Variants in GLDC observed in about 807,000 individuals in gnomAD.
GLDC encodes the protein glycine dehydrogenase (decarboxylating), mitochondrial.
In GLDC, 104 loss-of-function variants were observed where a neutral mutation model predicts 121.3. The ratio of observed to expected loss-of-function variants is 0.86; its 90% CI spans 0.73 to 1.01. The LOEUF (loss-of-function observed/expected upper bound fraction) is 1.01. GLDC is among the 50% of genes least tolerant of loss of function. GLDC has a pLI of 0.00. For missense variants in GLDC, 1,429 were observed against 1,306.6 expected, an observed-to-expected ratio of 1.09 and a Z score of -1.44; for synonymous variants, 546 against 480.6, an observed-to-expected ratio of 1.14 and a Z score of -1.78.
intron 15 of GLDC, among the ~76,000 whole-genome samples, chr9:6,574,120 G>T (rs1818016853): frequency 6.6e-6 from 1 of 152,084 alleles, no homozygotes; most frequent in South Asian, 2.1e-4. Flanking sequence ...AAATCAGCTG[G>T]TATCAGAAGA....
At position 6,558,552 on chromosome 9, in the gene GLDC, C is replaced by G. The variant is rs755812288; in HGVS notation, c.2052+7G>C. The G allele has an allele frequency of 5.0e-6, 8 of 1,614,196 alleles. No homozygotes were observed. The South Asian group carries it at 8.8e-5, about 18-fold the overall frequency. On this transcript the variant is annotated splice_region_variant and intron_variant, in intron 17 of 24. Coordinates refer to ENST00000321612, the MANE Select transcript of GLDC (RefSeq NM_000170.3). Reference sequence around the variant, plus strand: ...CCTCTCCCATCTGCTAAGGAGAAGACAAGTACCATGGCCTTGAGGTGAACT... The same window carrying G: ...CCTCTCCCATCTGCTAAGGAGAAGAGAAGTACCATGGCCTTGAGGTGAACT...
At chr9:6,559,401 G>C (rs933617884) in intron 16 of GLDC, among the ~76,000 whole-genome samples, 5 of 150,984 alleles carry the variant, frequency 3.3e-5, no homozygotes, top group African/African-American at 1.2e-4. Flanking sequence ...TGTAATCCCA[G>C]TTACTCGAGA....
rs1230501747 is a variant in GLDC, at chr9:6,604,580, C to T, written c.1058+8G>A. 14 of 1,605,952 alleles carry T rather than the reference C, an allele frequency of 8.7e-6. No homozygotes were observed. The highest frequency in any genetic ancestry group is 1.2e-5 in the Non-Finnish European group (14 of 1,174,524). On this transcript the variant is annotated splice_region_variant and intron_variant, in intron 7 of 24. Coordinates refer to ENST00000321612, the MANE Select transcript of GLDC (RefSeq NM_000170.3). ...ACAATAAAAGTAGAGAAACATGAGC[C>T]CCTTTACCTTGTTACCCCCACCATT...
chr9:6,644,424 A>C (rs1453086245), intron 2 of GLDC, 190 bp downstream of exon 2: 2 of 641,688 alleles, frequency 3.1e-6, no homozygotes, highest in African/African-American at 3.6e-5. Context: ...CTCCTAACAC[A>C]AAACTGTCTG....
chr9:6,608,420 T>G (rs1057196894), intron 4 of GLDC, among the ~76,000 whole-genome samples: 1 of 146,274 alleles, frequency 6.8e-6, no homozygotes, highest in African/African-American at 2.5e-5. Flanking sequence ...AGACTCTGTC[T>G]CAAAAAAAAC....
chr9:6,586,370 C>A (rs1818272915), intron 15 of GLDC, among the ~76,000 whole-genome samples: 1 of 152,172 alleles, frequency 6.6e-6, no homozygotes, highest in Non-Finnish European at 1.5e-5. Flanking sequence ...ATCAGTGCGT[C>A]TGGAGCGGGG....
At position 6,536,127 on chromosome 9, in the gene GLDC, G is replaced by T; in HGVS notation, c.2775C>A (p.Ser925Arg). 1 of 1,614,114 alleles carries T rather than the reference G, an allele frequency of 6.2e-7. No homozygotes were observed. The highest frequency in any genetic ancestry group is 8.5e-7 in the Non-Finnish European group (1 of 1,179,960). Reference protein sequence around the residue: ...ELDRFCDAMISIRQEIADIEE... With the variant: ...ELDRFCDAMIRIRQEIADIEE... ...CAATGTCAGCAATTTCCTGCCGAAT[G>T]CTGATCATGGCATCACAGAATCTGT... Residue 925 changes from serine to arginine, a missense_variant, in exon 23 of 25, where the codon AGC (serine) becomes AGA (arginine). Ser to Arg is a moderately radical substitution (Grantham distance 110). Transcript: ENST00000321612.
rs558762387 is a variant in GLDC at position 6,600,876 on chromosome 9, T to C, written c.1155+1233A>G. Among the ~76,000 whole-genome samples, 3 of 152,136 alleles carry C rather than the reference T, an allele frequency of 2.0e-5. No individual in the cohort carries two copies. The East Asian group carries it at 5.8e-4, about 30-fold the overall frequency. ...CTCTTCCTGTTTTATCCCATCCTTTTAAAGAATGCCAGACATGGCCAGGTG... is the reference window on the plus strand; with the variant it reads ...CTCTTCCTGTTTTATCCCATCCTTTCAAAGAATGCCAGACATGGCCAGGTG... On this transcript the variant is annotated intron_variant, in intron 8 of 24. Coordinates refer to ENST00000321612, the MANE Select transcript of GLDC (RefSeq NM_000170.3).
Position 6,556,959 on chromosome 9 carries a change from G to A in GLDC, c.2053-657C>T, listed in dbSNP as rs557416972. ...AGTCATCTCAATAACGATTTCAGAC[G>A]TTTGTGGTTCTAGGTGCGTCCATTC... On this transcript the variant is annotated intron_variant, in intron 17 of 24. Transcript: ENST00000321612. Among the ~76,000 whole-genome samples, 5 of 152,188 alleles carry A rather than the reference G, an allele frequency of 3.3e-5. No individual in the cohort carries two copies. The South Asian group carries it at 6.2e-4, about 19-fold the overall frequency.
At chr9:6,618,881 C>T (rs1289433083) in intron 3 of GLDC, among the ~76,000 whole-genome samples, 1 of 151,814 alleles carries the variant, frequency 6.6e-6, no homozygotes, top group Non-Finnish European at 1.5e-5. Flanking sequence ...CGGTGGCTCA[C>T]GCCTGTAATC....
intron 15 of GLDC, among the ~76,000 whole-genome samples, chr9:6,585,892 C>CTATCT (rs558883539): frequency 7.3e-5 from 11 of 149,676 alleles, no homozygotes; most frequent in Non-Finnish European, 1.0e-4. Context: ...ATCTATCTAT[C>CTATCT]ATCTGTCCAT....
intron 10 of GLDC, among the ~76,000 whole-genome samples, 190 bp from the exon 11 acceptor site, chr9:6,592,413 G>A (rs938672226): frequency 1.3e-5 from 2 of 152,218 alleles, no homozygotes; most frequent in Non-Finnish European, 1.5e-5. Context: ...ACAAGGCTTC[G>A]AGTTTTGCCA....
At position 6,610,372 on chromosome 9, in the gene GLDC, A is replaced by C. The variant is rs1353858805; in HGVS notation, c.471-16T>G. Reference sequence around the variant, plus strand: ...CTGGGTGATCCTGCAAGGGAAACAAAAGGTCTTGTCCAAACTGACTGCTGT... The same window carrying C: ...CTGGGTGATCCTGCAAGGGAAACAACAGGTCTTGTCCAAACTGACTGCTGT... On this transcript the variant is annotated splice_polypyrimidine_tract_variant and intron_variant, in intron 3 of 24. Transcript: ENST00000321612. 1 of 1,613,654 alleles carries C rather than the reference A, an allele frequency of 6.2e-7. No individual in the cohort carries two copies. The highest frequency in any genetic ancestry group is 8.5e-7 in the Non-Finnish European group (1 of 1,179,616).
chr9:6,606,751 C>A, intron 4 of GLDC, 82 bp from the exon 5 acceptor site: 1 of 855,658 alleles, frequency 1.2e-6, no homozygotes, highest in South Asian at 1.3e-5. Flanking sequence ...AAACATAGTA[C>A]CGAGGGTAAG....
rs144377163 is a variant in GLDC at position 6,572,258 on chromosome 9, A to G, written c.1851-6829T>C. 3.2e-3 allele frequency among the ~76,000 whole-genome samples: 493 copies of G among 152,360 alleles called. 4 individuals carry two copies. The highest frequency in any genetic ancestry group is 0.011 in the African/African-American group (458 of 41,594). ...CTACAGAACGGGAGAAAGTATCTGC[A>G]AACTACCATAGCCAACGAGCAGTAA... On this transcript the variant is annotated intron_variant, in intron 15 of 24. Transcript: ENST00000321612.
At chr9:6,609,699 C>G (rs1385818659) in intron 4 of GLDC, among the ~76,000 whole-genome samples, 1 of 152,018 alleles carries the variant, frequency 6.6e-6, no homozygotes, top group Admixed American at 6.6e-5. Flanking sequence ...CTCTGCCCTC[C>G]CAAAGCTAGG....
intron 3 of GLDC, among the ~76,000 whole-genome samples, chr9:6,612,565 C>A: frequency 6.6e-6 from 1 of 151,678 alleles, no homozygotes; most frequent in Non-Finnish European, 1.5e-5. Flanking sequence ...GACCTCACCT[C>A]TACAAAAAAA....
intron 16 of GLDC, among the ~76,000 whole-genome samples, chr9:6,562,687 A>G (rs1817782068): frequency 6.6e-6 from 1 of 151,990 alleles, no homozygotes; most frequent in Non-Finnish European, 1.5e-5. Context: ...AGCCTCCCTC[A>G]GTAGCTGGGA....
chr9:6,633,484 T>C (rs944086118), intron 2 of GLDC, among the ~76,000 whole-genome samples: 18 of 152,212 alleles, frequency 1.2e-4, no homozygotes, highest in African/African-American at 4.3e-4. Context: ...AACCCAATTC[T>C]GCTCAAGCAA....
Sources: gnomAD v4.1 joint callset for allele counts (sites outside exome capture counted in the v4.1 genomes callset) on GRCh38, gnomAD v4.1.1 for gene constraint, MANE v1.5 for transcripts, NCBI Gene and HGNC (gene_info 2026-07-23, HGNC 2026-07-21) for gene names.